Variants in EEPD1 observed in about 807,000 individuals in gnomAD.
EEPD1 encodes endonuclease/exonuclease/phosphatase family domain-containing protein 1.
In EEPD1, 17 loss-of-function variants were observed where a neutral mutation model predicts 46.3. The ratio of observed to expected loss-of-function variants is 0.37; its 90% CI spans 0.25 to 0.55. The LOEUF is 0.55. Ranked by LOEUF, EEPD1 falls within the 20% of genes least tolerant of loss-of-function variation. The pLI is 0.83. For missense variants in EEPD1, 673 were observed against 745.6 expected (o/e 0.90, Z 1.13); for synonymous variants, 313 against 315.6 (o/e 0.99, Z 0.09).
chr7:36,243,734 C>T (rs1786593148), intron 3 of EEPD1, among the ~76,000 whole-genome samples: 1 of 152,080 alleles, frequency 6.6e-6, no homozygotes, highest in Non-Finnish European at 1.5e-5. Flanking sequence ...AATGTGAGTT[C>T]ATGTCCTTTG....
chr7:36,197,649 C>G (rs1455028766), intron 2 of EEPD1, among the ~76,000 whole-genome samples: 1 of 152,094 alleles, frequency 6.6e-6, no homozygotes, highest in Admixed American at 6.6e-5. Context: ...TGTGCTGTGT[C>G]CACTCAGGGT....
intron 2 of EEPD1, among the ~76,000 whole-genome samples, chr7:36,190,491 A>C (rs979079292): frequency 1.3e-5 from 2 of 152,218 alleles, no homozygotes; most frequent in Non-Finnish European, 2.9e-5. Flanking sequence ...TCAGACAAAA[A>C]TCAACATAAT....
At chr7:36,296,148 C>T (rs1271192152) in intron 6 of EEPD1, among the ~76,000 whole-genome samples, 1 of 151,218 alleles carries the variant, frequency 6.6e-6, no homozygotes, top group Non-Finnish European at 1.5e-5. Context: ...TTATGTGCAT[C>T]AACATGATGG....
intron 4 of EEPD1, among the ~76,000 whole-genome samples, chr7:36,281,880 A>G (rs536922196): frequency 2.0e-5 from 3 of 152,350 alleles, no homozygotes; most frequent in Non-Finnish European, 4.4e-5. Flanking sequence ...TAATTTTCCT[A>G]TAAATGCAGA....
intron 2 of EEPD1, among the ~76,000 whole-genome samples, chr7:36,237,183 A>C (rs2115779353): frequency 6.6e-6 from 1 of 152,256 alleles, no homozygotes; most frequent in East Asian, 1.9e-4. Context: ...CCACGAACCC[A>C]CCATAAGGAA....
intron 2 of EEPD1, among the ~76,000 whole-genome samples, chr7:36,164,607 C>A (rs1784952122): frequency 6.6e-6 from 1 of 152,208 alleles, no homozygotes; most frequent in Non-Finnish European, 1.5e-5. Flanking sequence ...TTGTAGACCC[C>A]AACAGGTAAC....
intron 3 of EEPD1, among the ~76,000 whole-genome samples, chr7:36,254,070 A>C (rs188534873): frequency 6.6e-6 from 1 of 152,140 alleles, no homozygotes; most frequent in East Asian, 1.9e-4. Context: ...AATTATTTTA[A>C]TAATTTTTAA....
At chr7:36,252,829 C>CTTTTTT (rs71553053) in intron 3 of EEPD1, among the ~76,000 whole-genome samples, 10 of 54,892 alleles carry the variant, frequency 1.8e-4, no homozygotes, top group South Asian at 1.0e-3. Flanking sequence ...GTGTTCTCTC[C>CTTTTTT]TTTTTTTTTT....
At chr7:36,231,933 G>T (rs1266989234) in intron 2 of EEPD1, among the ~76,000 whole-genome samples, 6 of 152,138 alleles carry the variant, frequency 3.9e-5, no homozygotes, top group Admixed American at 3.9e-4. Context: ...TTTCCAATAA[G>T]GTTAGAAATA....
rs770871529 is a variant in EEPD1 at position 36,299,238 on chromosome 7, C to G, written c.*32C>G. ...CAAATCCATGTGTCCACCCTGGGAC[C>G]CAGGAGGGCACAGCCAAGGAATGAG... On this transcript the variant is annotated 3_prime_UTR_variant, in exon 8 of 8. Coordinates refer to ENST00000242108, the MANE Select transcript of EEPD1 (RefSeq NM_030636.3). The G allele has an allele frequency of 1.2e-6, 2 of 1,603,368 alleles. No homozygotes were observed. The highest frequency in any genetic ancestry group is 8.5e-7 in the Non-Finnish European group (1 of 1,174,630).
At chr7:36,229,595 C>G (rs1266309448) in intron 2 of EEPD1, among the ~76,000 whole-genome samples, 1 of 152,172 alleles carries the variant, frequency 6.6e-6, no homozygotes, top group Non-Finnish European at 1.5e-5. Flanking sequence ...CTATCCACTT[C>G]TCACCCACTG....
At chr7:36,177,875 G>A (rs997827182) in intron 2 of EEPD1, among the ~76,000 whole-genome samples, 8 of 152,020 alleles carry the variant, frequency 5.3e-5, no homozygotes, top group African/African-American at 1.7e-4. Context: ...CTCCATGCCC[G>A]GCTATGTTTT....
At chr7:36,287,339 GA>G (rs1036540644) in intron 5 of EEPD1, among the ~76,000 whole-genome samples, 10 of 145,748 alleles carry the variant, frequency 6.9e-5, no homozygotes, top group African/African-American at 2.0e-4. Flanking sequence ...TAGAAAGAAA[GA>G]AAAAAACTCA....
chr7:36,177,069 A>G (rs984702747), intron 2 of EEPD1, among the ~76,000 whole-genome samples: 4 of 152,204 alleles, frequency 2.6e-5, no homozygotes, highest in African/African-American at 4.8e-5. Context: ...ATGTTTTGGG[A>G]TGATTGAAAT....
chr7:36,181,590 G>T (rs529252727), intron 2 of EEPD1, among the ~76,000 whole-genome samples: 12 of 152,286 alleles, frequency 7.9e-5, no homozygotes, highest in Non-Finnish European at 1.5e-4. Context: ...CATGTGCCTA[G>T]CCCCCAAACA....
chr7:36,219,342 A>C (rs1786090892), intron 2 of EEPD1, among the ~76,000 whole-genome samples: 1 of 151,872 alleles, frequency 6.6e-6, no homozygotes, highest in Admixed American at 6.6e-5. Context: ...AAAAAAAATC[A>C]AGTAACAAGG....
At chr7:36,261,002 A>G (rs1786913525) in intron 3 of EEPD1, among the ~76,000 whole-genome samples, 1 of 152,220 alleles carries the variant, frequency 6.6e-6, no homozygotes, top group Admixed American at 6.5e-5. Flanking sequence ...ATACTGTACC[A>G]TTTTATATCA....
chr7:36,219,073 G>A (rs937422917), intron 2 of EEPD1, among the ~76,000 whole-genome samples: 3 of 152,024 alleles, frequency 2.0e-5, no homozygotes, highest in Non-Finnish European at 2.9e-5. Context: ...TCCTTTGTGG[G>A]AAATATCAAA....
intron 2 of EEPD1, among the ~76,000 whole-genome samples, chr7:36,233,353 A>C (rs1356799167): frequency 6.6e-6 from 1 of 152,270 alleles, no homozygotes; most frequent in East Asian, 1.9e-4. Flanking sequence ...CATTCTTTTC[A>C]GAAGGAGAAA....
Sources: allele counts gnomAD v4.1 joint callset (sites outside exome capture counted in the v4.1 genomes callset), GRCh38; gene constraint gnomAD v4.1.1; transcripts MANE v1.5; gene names NCBI Gene and HGNC (gene_info 2026-07-23, HGNC 2026-07-21).